HSPH1: variants seen among roughly 807,000 people sequenced by gnomAD.
HSPH1 encodes the protein heat shock protein family H (Hsp110) member 1.
In HSPH1, 40 loss-of-function variants were observed where a neutral mutation model predicts 100.0. The ratio of observed to expected loss-of-function variants is 0.40; its 90% CI spans 0.31 to 0.52. The LOEUF (loss-of-function observed/expected upper bound fraction) is 0.52, where lower values mean the gene tolerates loss of function less well. HSPH1 is among the 20% of genes least tolerant of loss of function. The pLI is 0.54. For synonymous variants in HSPH1, 403 were observed against 344.0 expected (o/e 1.17, Z -1.90); for missense variants, 876 against 1,015.1 (o/e 0.86, Z 1.86).
At chr13:31,150,863 C>T in intron 7 of HSPH1, 84 bp downstream of exon 7, 1 of 1,370,146 alleles carries the variant, frequency 7.3e-7, no homozygotes, top group Non-Finnish European at 1.0e-6. Flanking sequence ...TAGGCCAAGA[C>T]TCACAACACC....
intron 10 of HSPH1, among the ~76,000 whole-genome samples, chr13:31,147,528 A>AG (rs1423816884): frequency 6.6e-6 from 1 of 152,100 alleles, no homozygotes; most frequent in Non-Finnish European, 1.5e-5. Flanking sequence ...GATAACACAA[A>AG]GGTACACTTG....
chr13:31,161,390 G>A (rs35000184), intron 1 of HSPH1, 86 bp downstream of exon 1: 472 of 1,545,900 alleles, frequency 3.1e-4, no homozygotes, highest in Non-Finnish European at 4.0e-4. Context: ...TTGCCGCGGT[G>A]ATCCGTACAG....
intron 2 of HSPH1, among the ~76,000 whole-genome samples, chr13:31,156,264 C>A (rs1253930549): frequency 1.3e-5 from 2 of 152,104 alleles, no homozygotes; most frequent in East Asian, 1.9e-4. Context: ...GTTGCGGGCA[C>A]CTGCAGTCCC....
rs1176046698 is a variant in HSPH1 at position 31,151,173 on chromosome 13, C to A, written c.682G>T (p.Asp228Tyr). ...AAGTTTTTTCCTCCTAAGAAAGGAT[C>A]AAAAGCTGTTCCCAGTACCTAATTT... is the stretch of plus-strand genomic sequence containing the variant. Reference protein sequence around the residue: ...GKLKVLGTAFDPFLGGKNFDE... With the variant: ...GKLKVLGTAFYPFLGGKNFDE... Residue 228 changes from aspartate (D) to tyrosine (Y), a missense_variant, in exon 7 of 18, where the codon GAT becomes TAT. Physicochemically the swap from Asp to Tyr is radical, Grantham distance 160. Coordinates refer to ENST00000320027, the MANE Select transcript of HSPH1 (RefSeq NM_006644.4). The A allele has an allele frequency of 1.2e-6, 2 of 1,611,154 alleles. No individual in the cohort carries two copies. The highest frequency in any genetic ancestry group is 1.3e-5 in the African/African-American group (1 of 74,894).
chr13:31,142,558 A>G (rs1956133611), intron 12 of HSPH1, among the ~76,000 whole-genome samples: 1 of 152,162 alleles, frequency 6.6e-6, no homozygotes, highest in South Asian at 2.1e-4. Context: ...AATGGATAAC[A>G]GCACATGTAC....
upstream of HSPH1, chr13:31,162,137 C>T: frequency 1.3e-6 from 2 of 1,507,898 alleles, no homozygotes; most frequent in Non-Finnish European, 1.8e-6. Context: ...TCAAACCTGC[C>T]TCCGCCCACT....
chr13:31,148,033 A>C lies in HSPH1; in HGVS notation c.1304T>G (p.Leu435Arg). 6.2e-7 allele frequency: 1 copy of C among 1,611,270 alleles called. No homozygotes were observed. The highest frequency in any genetic ancestry group is 8.5e-7 in the Non-Finnish European group (1 of 1,178,872). Residue 435 changes from leucine (L) to arginine (R), a missense_variant, in exon 10 of 18, where the codon CTG (leucine) becomes CGG (arginine). Coordinates refer to ENST00000320027, the MANE Select transcript of HSPH1 (RefSeq NM_006644.4). ...TTCTAGCTCAAAAGGCCCCCTTCTCAGAAAGGTGAGAACTTTGGAGAAAGG... is the reference window on the plus strand; with the variant it reads ...TTCTAGCTCAAAAGGCCCCCTTCTCCGAAAGGTGAGAACTTTGGAGAAAGG... The part of the protein sequence containing the change: ...AAPFSKVLTF[L>R]RRGPFELEAF...
intron 14 of HSPH1, 68 bp from the exon 15 acceptor site, chr13:31,139,175 G>A (rs1275260546): frequency 3.0e-6 from 3 of 994,706 alleles, no homozygotes; most frequent in Non-Finnish European, 4.8e-6. Context: ...AAACAAAGAG[G>A]TATTCTCACA....
rs1029467589 is a variant in HSPH1, at chr13:31,140,296, A to G, written c.1868T>C (p.Met623Thr). The G allele has an allele frequency of 1.2e-6, 2 of 1,609,858 alleles. No homozygotes were observed. Among genetic ancestry groups the G allele is most frequent in the African/African-American group, 1.3e-5 (1 of 74,798 alleles). The part of the protein sequence containing the change: ...MYIETEGKMI[M>T]QDKLEKERND... ...CCTTTCTTTTTCCAATTTATCTTGC[A>G]TTATCATCTTACCCTGTCAGGAAAC... Residue 623 changes from methionine (M) to threonine (T), a missense_variant, in exon 14 of 18, where the codon ATG becomes ACG. Coordinates refer to ENST00000320027, the MANE Select transcript of HSPH1 (RefSeq NM_006644.4).
intron 3 of HSPH1, 54 bp from the exon 4 acceptor site, chr13:31,154,809 C>A (rs775526520): frequency 4.7e-6 from 7 of 1,475,120 alleles, no homozygotes; most frequent in Non-Finnish European, 6.5e-6. Flanking sequence ...AGCTACATGC[C>A]AATATTTAAC....
intron 2 of HSPH1, among the ~76,000 whole-genome samples, chr13:31,157,640 A>G (rs1040010789): frequency 1.3e-5 from 2 of 152,072 alleles, no homozygotes; most frequent in African/African-American, 4.8e-5. Context: ...TTAGCAATCT[A>G]TTTTCTGTAT....
Position 31,137,331 on chromosome 13 carries a change from A to AT in HSPH1, c.2563dup (p.Met855AsnfsTer16), listed in dbSNP as rs775067420. The AT allele has an allele frequency of 1.2e-6, 2 of 1,606,274 alleles. No individual in the cohort carries two copies. Among genetic ancestry groups the AT allele is most frequent in the Non-Finnish European group, 1.7e-6 (2 of 1,174,352 alleles). On this transcript the variant is annotated frameshift_variant, in exon 18 of 18. Coordinates refer to ENST00000320027, the MANE Select transcript of HSPH1 (RefSeq NM_006644.4). LOFTEE classifies it high-confidence loss of function. ...ATTTAAGGTTATCTAGTCCAAGTCCATATTAACAGAATTTTTCTCATTAGG... is the reference window on the plus strand; with the variant it reads ...ATTTAAGGTTATCTAGTCCAAGTCCATTATTAACAGAATTTTTCTCATTAGG...
rs955755910 is a variant in HSPH1, at chr13:31,135,392, C to T, written c.*1926G>A. The T allele has an allele frequency of 6.6e-6, 1 of 152,144 alleles. No individual in the cohort carries two copies. The highest frequency in any genetic ancestry group is 1.5e-5 in the Non-Finnish European group (1 of 68,038). The allele number at this position is 152,144 out of a possible 1,614,324, so 9.4% of individuals were successfully genotyped here. A position where few individuals can be genotyped will look rare whatever the true frequency, so the allele number is the denominator to read the frequency against. ...TATCTACTAAGTATACATTAATGTG[C>T]ATTAAAGACATTCAGAAAACATAAA... On this transcript the variant is annotated 3_prime_UTR_variant, in exon 18 of 18. Transcript: ENST00000320027.
chr13:31,155,685 T>A (rs1269158500), intron 2 of HSPH1, 31 bp from the exon 3 acceptor site: 1 of 1,552,808 alleles, frequency 6.4e-7, no homozygotes, highest in East Asian at 2.2e-5. Context: ...TTTTAATTTT[T>A]TTCTTTAATT....
intron 16 of HSPH1, 88 bp from the exon 17 acceptor site, chr13:31,138,656 A>C: frequency 4.6e-6 from 7 of 1,516,640 alleles, no homozygotes; most frequent in Non-Finnish European, 6.2e-6. Flanking sequence ...TCAAGTTCAA[A>C]TCTACCTCTA....
At chr13:31,152,296 A>G (rs1239624134) in intron 5 of HSPH1, 1 of 152,464 alleles carries the variant, frequency 6.6e-6, no homozygotes, top group East Asian at 1.9e-4. Context: ...ACTTTTCAGC[A>G]TAAAAACTGA....
intron 1 of HSPH1, among the ~76,000 whole-genome samples, chr13:31,159,421 CA>C (rs973374706): frequency 1.4e-4 from 22 of 152,138 alleles, no homozygotes; most frequent in African/African-American, 5.1e-4. Context: ...AAATGATGCA[CA>C]ACAAGTACCA....
At position 31,138,765 on chromosome 13, in the gene HSPH1, A is replaced by G. The variant is rs754480671; in HGVS notation, c.2208+16T>C. On this transcript the variant is annotated intron_variant, in intron 16 of 17. Coordinates refer to ENST00000320027, the MANE Select transcript of HSPH1 (RefSeq NM_006644.4). ...CTAGGTTAACTTCCTCCCTATGTAC[A>G]AAAAGACTGACTCACCTTATTTCTG... The G allele has an allele frequency of 1.2e-5, 19 of 1,596,522 alleles. No individual in the cohort carries two copies. The East Asian group carries it at 3.6e-4, about 30-fold the overall frequency.
chr13:31,142,142 T>C (rs185496819), intron 12 of HSPH1, among the ~76,000 whole-genome samples: 206 of 152,130 alleles, frequency 1.4e-3, no homozygotes, highest in African/African-American at 4.6e-3. Flanking sequence ...ATCCTGTAGG[T>C]AGGATGGTAA....
Sources: gnomAD v4.1 joint callset for allele counts (sites outside exome capture counted in the v4.1 genomes callset) on GRCh38, gnomAD v4.1.1 for gene constraint, MANE v1.5 for transcripts, NCBI Gene and HGNC (gene_info 2026-07-23, HGNC 2026-07-21) for gene names.